VPS13B: variants seen among roughly 807,000 people sequenced by gnomAD.
The protein encoded by VPS13B is vacuolar protein sorting 13 homolog B, also known as intermembrane lipid transfer protein VPS13B.
In VPS13B, 285 loss-of-function variants were observed where a neutral mutation model predicts 426.4. The observed-to-expected ratio is 0.67, with a 90% CI of 0.61 to 0.74. The LOEUF is 0.74. Ranked by LOEUF, VPS13B falls within the 30% of genes least tolerant of loss-of-function variation. The pLI is 0.00. For synonymous variants in VPS13B, 1,676 were observed against 1,676.4 expected (o/e 1.00, Z 0.01); for missense variants, 4,537 against 4,782.6 (o/e 0.95, Z 1.51).
At chr8:99,513,201 C>T (rs1450010478) in intron 29 of VPS13B, among the ~76,000 whole-genome samples, 1 of 151,014 alleles carries the variant, frequency 6.6e-6, no homozygotes, top group African/African-American at 2.5e-5. Flanking sequence ...TGTTATAAAA[C>T]ATTCATTTTT....
At chr8:99,474,183 ATTTTTT>A (rs34752686) in intron 24 of VPS13B, among the ~76,000 whole-genome samples, 3 of 124,994 alleles carry the variant, frequency 2.4e-5, no homozygotes, top group African/African-American at 9.8e-5. Context: ...CTGTTATCCA[ATTTTTT>A]TTTTTTTTTT....
At position 99,442,781 on chromosome 8, in the gene VPS13B, GCCATTTATTGCCTT is replaced by G; in HGVS notation, c.3445+151_3445+164del. The G allele has an allele frequency of 8.4e-6, 6 of 712,796 alleles. No individual in the cohort carries two copies. In the South Asian group the frequency reaches 1.1e-4, roughly 13 times the overall value. The allele number at this position is 712,796 out of a possible 1,614,324, so 44.2% of individuals were successfully genotyped here. On this transcript the variant is annotated intron_variant, in intron 23 of 61. Transcript: ENST00000357162. Reference sequence around the variant, plus strand: ...GACCAAAGTAAGTGAACTAAGTGATGCCATTTATTGCCTTCCATACCTTTTAATCTTAGTCATAT... The same window carrying G: ...GACCAAAGTAAGTGAACTAAGTGATGCCATACCTTTTAATCTTAGTCATAT...
At chr8:99,810,381 T>A (rs994237852) in intron 44 of VPS13B, among the ~76,000 whole-genome samples, 1 of 152,194 alleles carries the variant, frequency 6.6e-6, no homozygotes, top group African/African-American at 2.4e-5. Flanking sequence ...CAGCACTTAG[T>A]CCCTGGAAAA....
chr8:99,541,002 C>A (rs1306614859), intron 30 of VPS13B, among the ~76,000 whole-genome samples: 1 of 152,014 alleles, frequency 6.6e-6, no homozygotes, highest in Non-Finnish European at 1.5e-5. Flanking sequence ...ATAAAAACTG[C>A]CAAATGTACA....
chr8:99,479,045 T>G (rs2133550089), intron 24 of VPS13B, among the ~76,000 whole-genome samples: 1 of 152,252 alleles, frequency 6.6e-6, no homozygotes, highest in Non-Finnish European at 1.5e-5. Flanking sequence ...CTACCTTTAG[T>G]GATTCTATTC....
chr8:99,320,289 C>T (rs1809906270), intron 19 of VPS13B, among the ~76,000 whole-genome samples: 1 of 152,084 alleles, frequency 6.6e-6, no homozygotes, highest in Admixed American at 6.6e-5. Flanking sequence ...TATTGTTTTG[C>T]TAATGTCAGG....
chr8:99,707,377 G>T (rs74721713), intron 36 of VPS13B, among the ~76,000 whole-genome samples: 2,977 of 152,218 alleles, frequency 0.02, 103 homozygotes, highest in African/African-American at 0.068. Context: ...CAAATTAAGT[G>T]CTCAGTAAAT....
At chr8:99,430,192 G>A (rs777234882) in intron 21 of VPS13B, among the ~76,000 whole-genome samples, 30 of 152,040 alleles carry the variant, frequency 2.0e-4, no homozygotes, top group South Asian at 6.2e-4. Context: ...GAAAAAGTCC[G>A]TTCTTCATGC....
chr8:99,565,370 T>C lies in VPS13B; in HGVS notation c.4949+8717T>C, dbSNP rs188955166. 8.5e-4 allele frequency among the ~76,000 whole-genome samples: 130 copies of C among 152,106 alleles called. 2 individuals are homozygous for C. The highest frequency in any genetic ancestry group is 2.8e-4 in the Non-Finnish European group (19 of 67,960). On this transcript the variant is annotated intron_variant, in intron 31 of 61. Transcript: ENST00000357162. ...TACATGTAATACTCTGTGGGCTTTT[T>C]TTTTTTTACACATAAAGAATTTTAA...
At chr8:99,830,952 G>A (rs1039571915) in intron 51 of VPS13B, among the ~76,000 whole-genome samples, 1 of 151,712 alleles carries the variant, frequency 6.6e-6, no homozygotes, top group Non-Finnish European at 1.5e-5. Context: ...CAGTCCCAGT[G>A]AGATGAGCCA....
At chr8:99,653,347 T>A (rs1229048634) in intron 34 of VPS13B, among the ~76,000 whole-genome samples, 1 of 152,042 alleles carries the variant, frequency 6.6e-6, no homozygotes, top group African/African-American at 2.4e-5. Context: ...CAAATGAAAA[T>A]GGGGGGAATC....
intron 21 of VPS13B, among the ~76,000 whole-genome samples, chr8:99,397,334 G>T (rs1413545673): frequency 6.6e-6 from 1 of 151,974 alleles, no homozygotes; most frequent in African/African-American, 2.4e-5. Context: ...TAGTAGAGAC[G>T]GGGTTTCACC....
intron 44 of VPS13B, among the ~76,000 whole-genome samples, chr8:99,816,312 G>A (rs537440002): frequency 9.9e-5 from 15 of 152,094 alleles, no homozygotes; most frequent in Non-Finnish European, 2.1e-4. Flanking sequence ...ATGTTGGTCA[G>A]GCTGGTCTCG....
At position 99,821,492 on chromosome 8, in the gene VPS13B, A is replaced by G; in HGVS notation, c.9183+10A>G. 1 of 1,613,532 alleles carries G rather than the reference A, an allele frequency of 6.2e-7. No individual in the cohort carries two copies. Among genetic ancestry groups the G allele is most frequent in the Non-Finnish European group, 8.5e-7 (1 of 1,179,554 alleles). On this transcript the variant is annotated intron_variant, in intron 50 of 61. Coordinates refer to ENST00000357162, the MANE Select transcript of VPS13B (RefSeq NM_152564.5). The stretch of plus-strand genomic sequence containing the variant: ...TCCAGGACATCAGAAGGTAAGATCA[A>G]AGTCTATGTGGCTGGGAGGAAATAG...
At chr8:99,797,295 A>C (rs1487856386) in intron 43 of VPS13B, among the ~76,000 whole-genome samples, 1 of 151,446 alleles carries the variant, frequency 6.6e-6, no homozygotes, top group Non-Finnish European at 1.5e-5. Context: ...GCTGGAGTGC[A>C]GTGGCACGTC....
chr8:99,040,732 T>C (rs1431105341), intron 3 of VPS13B, among the ~76,000 whole-genome samples: 1 of 152,056 alleles, frequency 6.6e-6, no homozygotes, highest in African/African-American at 2.4e-5. Context: ...GAATGGTAGG[T>C]TCAGTGAAGG....
At chr8:99,468,206 C>T (rs972293184) in intron 24 of VPS13B, among the ~76,000 whole-genome samples, 1 of 152,114 alleles carries the variant, frequency 6.6e-6, no homozygotes, top group Non-Finnish European at 1.5e-5. Context: ...TCCAAGTGTT[C>T]TCATTGTTCA....
At chr8:99,465,405 GTT>G (rs201727789) in intron 23 of VPS13B, among the ~76,000 whole-genome samples, 9 of 133,602 alleles carry the variant, frequency 6.7e-5, no homozygotes, top group Admixed American at 1.5e-4. Flanking sequence ...ACCTTGAAAG[GTT>G]TTTTTTTTTT....
intron 4 of VPS13B, among the ~76,000 whole-genome samples, chr8:99,097,107 T>G (rs1393009570): frequency 6.6e-6 from 1 of 152,186 alleles, no homozygotes; most frequent in Non-Finnish European, 1.5e-5. Flanking sequence ...TACTTATGAC[T>G]TAGAAGTTAA....
Sources: allele counts gnomAD v4.1 joint callset (sites outside exome capture counted in the v4.1 genomes callset), GRCh38; gene constraint gnomAD v4.1.1; transcripts MANE v1.5; gene names NCBI Gene and HGNC (gene_info 2026-07-23, HGNC 2026-07-21).